The following KCNQ1 variants were observed in gnomAD, a reference collection of about 807,000 sequenced individuals.
The protein encoded by KCNQ1 is potassium voltage-gated channel subfamily KQT member 1.
In KCNQ1, 49 loss-of-function variants were observed where a neutral mutation model predicts 72.4. That is an observed-to-expected ratio of 0.68 (90% CI 0.54 to 0.86). KCNQ1 has a LOEUF of 0.86. KCNQ1 is among the 40% of genes least tolerant of loss of function. The pLI is 0.00. For synonymous variants in KCNQ1, 450 were observed against 412.6 expected (o/e 1.09, Z -1.10); for missense variants, 790 against 945.1 (o/e 0.84, Z 2.15).
Position 2,626,550 on chromosome 11 carries a change from A to C in KCNQ1, c.1394-35411A>C. On this transcript the variant is annotated intron_variant, in intron 10 of 15. Coordinates refer to ENST00000155840, the MANE Select transcript of KCNQ1 (RefSeq NM_000218.3). The surrounding 1 kb of genome is among the most constrained non-coding windows in gnomAD (Gnocchi z 4.0). ...AAGTTGGGGTTTTTGTTTGTTTTTC[A>C]GACATTCTTACTCTGTTGCCCACGC... 5.0e-6 allele frequency: 2 copies of C among 398,552 alleles called. No homozygotes were observed. The highest frequency in any genetic ancestry group is 4.4e-6 in the Non-Finnish European group (1 of 226,076). The allele number at this position is 398,552 out of a possible 1,614,324, so 24.7% of individuals were successfully genotyped here.
intron 11 of KCNQ1, among the ~76,000 whole-genome samples, chr11:2,709,784 G>A (rs1427085334): frequency 3.3e-5 from 5 of 152,182 alleles, no homozygotes; most frequent in African/African-American, 7.2e-5. Context: ...TAAGGTTTTC[G>A]AGGTTCATTC....
rs1346873416 is a variant in KCNQ1, at chr11:2,704,857, A to G, written c.1514+42776A>G. Among the ~76,000 whole-genome samples, 2 of 152,148 alleles carry G rather than the reference A, an allele frequency of 1.3e-5. No homozygotes were observed. Among genetic ancestry groups the G allele is most frequent in the African/African-American group, 4.8e-5 (2 of 41,434 alleles). ...GCATGTATGACCACGAGCGAGCCCA[A>G]GGGAAGGACGGGTTTGGAGGGTTTC... is the stretch of plus-strand genomic sequence containing the variant. On this transcript the variant is annotated intron_variant, in intron 11 of 15. Coordinates refer to ENST00000155840, the MANE Select transcript of KCNQ1 (RefSeq NM_000218.3). The surrounding 1 kb of genome is among the most constrained non-coding windows in gnomAD (Gnocchi z 4.3).
chr11:2,573,277 G>A (rs549473762), intron 6 of KCNQ1, among the ~76,000 whole-genome samples: 11 of 152,294 alleles, frequency 7.2e-5, no homozygotes, highest in Admixed American at 2.0e-4. Flanking sequence ...GGGGCTTAGC[G>A]GTTTCGGCTC....
chr11:2,562,071 C>A lies in KCNQ1; in HGVS notation c.478-8557C>A, dbSNP rs925057832. ...CAGGGTCATGTCCCCAGCAGTAAGG[C>A]CAGGACAGGGCAGCCGGACCCCGAC... On this transcript the variant is annotated intron_variant, in intron 2 of 15. Coordinates refer to ENST00000155840, the MANE Select transcript of KCNQ1 (RefSeq NM_000218.3). The surrounding 1 kb of genome is among the most constrained non-coding windows in gnomAD (Gnocchi z 7.5). 1.3e-5 allele frequency among the ~76,000 whole-genome samples: 2 copies of A among 152,156 alleles called. No homozygotes were observed. Among genetic ancestry groups the A allele is most frequent in the African/African-American group, 4.8e-5 (2 of 41,446 alleles).
rs895528859 is a variant in KCNQ1 at position 2,549,023 on chromosome 11, C to T, written c.477+21005C>T. Among the ~76,000 whole-genome samples the T allele has an allele frequency of 1.3e-5, 2 of 152,190 alleles. No individual in the cohort carries two copies. The highest frequency in any genetic ancestry group is 6.5e-5 in the Admixed American group (1 of 15,284). ...GGTGACAGGTGCTGGGGCCCGGACA[C>T]GACCTGGTTTCTTCATCCCAGGGGC... On this transcript the variant is annotated intron_variant, in intron 2 of 15. Transcript: ENST00000155840. This position sits in a 1 kb window ranked among gnomAD's most constrained non-coding sequence, Gnocchi z 6.2.
At chr11:2,532,808 G>A (rs1179440405) in intron 2 of KCNQ1, among the ~76,000 whole-genome samples, 1 of 152,242 alleles carries the variant, frequency 6.6e-6, no homozygotes, top group Admixed American at 6.5e-5. Flanking sequence ...CAGGCCTGGA[G>A]GAGTGAGGAC....
At position 2,652,455 on chromosome 11, in the gene KCNQ1, C is replaced by T; in HGVS notation, c.1394-9506C>T. 1 of 398,572 alleles carries T rather than the reference C, an allele frequency of 2.5e-6. No individual in the cohort carries two copies. Among genetic ancestry groups the T allele is most frequent in the Non-Finnish European group, 4.4e-6 (1 of 226,056 alleles). The allele number at this position is 398,572 out of a possible 1,614,324, so 24.7% of individuals were successfully genotyped here. On this transcript the variant is annotated intron_variant, in intron 10 of 15. Transcript: ENST00000155840. This position sits in a 1 kb window ranked among gnomAD's most constrained non-coding sequence, Gnocchi z 5.9. Reference sequence around the variant, plus strand: ...AAGGCCACTTTTTTGTTTTCTCCATCCAAAGACCTCCAGAAACTTTCCTCC... The same window carrying T: ...AAGGCCACTTTTTTGTTTTCTCCATTCAAAGACCTCCAGAAACTTTCCTCC...
In KCNQ1 at chr11:2,537,641, T is replaced by C. The variant is rs1240022850; in HGVS notation, c.477+9623T>C. 1.3e-5 allele frequency among the ~76,000 whole-genome samples: 2 copies of C among 152,106 alleles called. No homozygotes were observed. Among genetic ancestry groups the C allele is most frequent in the Admixed American group, 6.5e-5 (1 of 15,290 alleles). On this transcript the variant is annotated intron_variant, in intron 2 of 15. Coordinates refer to ENST00000155840, the MANE Select transcript of KCNQ1 (RefSeq NM_000218.3). This position sits in a 1 kb window ranked among gnomAD's most constrained non-coding sequence, Gnocchi z 5.2. The stretch of plus-strand genomic sequence containing the variant: ...CAGGTCAGCAGTGGCTTTCATCTTC[T>C]GCCATTTGCTCTGCACGTTTCTCTC...
intron 1 of KCNQ1, among the ~76,000 whole-genome samples, chr11:2,487,384 A>G (rs1816651953): frequency 6.6e-6 from 1 of 152,218 alleles, no homozygotes; most frequent in Admixed American, 6.5e-5. Flanking sequence ...TATGAATTTT[A>G]GGATGGGTTT....
chr11:2,706,141 C>T (rs899174815), intron 11 of KCNQ1, among the ~76,000 whole-genome samples: 16 of 152,228 alleles, frequency 1.1e-4, no homozygotes, highest in African/African-American at 1.9e-4. Context: ...TCCGTTCTTC[C>T]GGAAGTGGCA....
chr11:2,707,960 A>G (rs1850939128), intron 11 of KCNQ1, among the ~76,000 whole-genome samples: 1 of 152,174 alleles, frequency 6.6e-6, no homozygotes, highest in Non-Finnish European at 1.5e-5. Flanking sequence ...CACCCCCCAG[A>G]GTTCCTGTGT....
At chr11:2,833,959 T>C (rs919570363) in intron 15 of KCNQ1, among the ~76,000 whole-genome samples, 2 of 152,146 alleles carry the variant, frequency 1.3e-5, no homozygotes, top group African/African-American at 4.8e-5. Flanking sequence ...CTCACCCCCT[T>C]CCCAGGCTGT....
At chr11:2,844,639 C>T (rs377612238) in intron 15 of KCNQ1, among the ~76,000 whole-genome samples, 17 of 152,324 alleles carry the variant, frequency 1.1e-4, no homozygotes, top group East Asian at 9.7e-4. Context: ...CAGGACTGAG[C>T]GCTGATTCCA....
At position 2,559,359 on chromosome 11, in the gene KCNQ1, C is replaced by A. The variant is rs1360137825; in HGVS notation, c.478-11269C>A. Among the ~76,000 whole-genome samples, 1 of 152,184 alleles carries A rather than the reference C, an allele frequency of 6.6e-6. No individual in the cohort carries two copies. Among genetic ancestry groups the A allele is most frequent in the Non-Finnish European group, 1.5e-5 (1 of 68,026 alleles). ...AGGCACAGGGAGGATCAGGAAAGCC[C>A]TGGATCTTGTTGACACCCCGGGATG... is the stretch of plus-strand genomic sequence containing the variant. On this transcript the variant is annotated intron_variant, in intron 2 of 15. Transcript: ENST00000155840. This position sits in a 1 kb window ranked among gnomAD's most constrained non-coding sequence, Gnocchi z 4.9.
rs568956676 is a variant in KCNQ1, at chr11:2,835,133, C to T, written c.1795-12634C>T. On this transcript the variant is annotated intron_variant, in intron 15 of 15. Transcript: ENST00000155840. ...GTCTGGGTCAGCCGCAGCTGCAAAC[C>T]GGCCCTGGCTGAGTCATGGGGCCTC... Among the ~76,000 whole-genome samples, 7 of 152,280 alleles carry T rather than the reference C, an allele frequency of 4.6e-5. No individual in the cohort carries two copies. In the East Asian group the frequency reaches 5.8e-4, roughly 13 times the overall value.
At position 2,657,895 on chromosome 11, in the gene KCNQ1, T is replaced by C; in HGVS notation, c.1394-4066T>C. 2.5e-6 allele frequency: 1 copy of C among 398,626 alleles called. No homozygotes were observed. The highest frequency in any genetic ancestry group is 4.4e-6 in the Non-Finnish European group (1 of 226,060). 24.7% of individuals were successfully genotyped at this position (398,626 alleles called of 1,614,324 possible). A position where few individuals can be genotyped will look rare whatever the true frequency, so the allele number is the denominator to read the frequency against. On this transcript the variant is annotated intron_variant, in intron 10 of 15. Coordinates refer to ENST00000155840, the MANE Select transcript of KCNQ1 (RefSeq NM_000218.3). The surrounding 1 kb of genome is among the most constrained non-coding windows in gnomAD (Gnocchi z 4.8). Reference sequence around the variant, plus strand: ...AGGAGGCCAGTGAGGTGAGATGCTTTCCTCATTGTGGAACATGACATCAAC... The same window carrying C: ...AGGAGGCCAGTGAGGTGAGATGCTTCCCTCATTGTGGAACATGACATCAAC...
At chr11:2,577,551 T>C (rs1006515631) in intron 6 of KCNQ1, among the ~76,000 whole-genome samples, 1 of 152,222 alleles carries the variant, frequency 6.6e-6, no homozygotes, top group Non-Finnish European at 1.5e-5. Flanking sequence ...AGGAGAGGAC[T>C]CCATGTGACG....
At chr11:2,452,509 GC>G (rs1160198046) in intron 1 of KCNQ1, among the ~76,000 whole-genome samples, 1 of 143,256 alleles carries the variant, frequency 7.0e-6, no homozygotes, top group East Asian at 2.1e-4. Context: ...TCCCCACCCT[GC>G]CCCAAAGAGG....
rs1357742199 is a variant in KCNQ1 at position 2,573,360 on chromosome 11, A to C, written c.921+374A>C. ...CCTCCACCGTGGCCCTCACCCTGGC[A>C]GGGCCCAAGGAGAGCGGCGTCAGAT... On this transcript the variant is annotated intron_variant, in intron 6 of 15. Coordinates refer to ENST00000155840, the MANE Select transcript of KCNQ1 (RefSeq NM_000218.3). 1.1e-4 allele frequency among the ~76,000 whole-genome samples: 16 copies of C among 152,192 alleles called. No individual in the cohort carries two copies. The East Asian group carries it at 2.1e-3, about 20-fold the overall frequency.
Sources: allele counts gnomAD v4.1 joint callset (sites outside exome capture counted in the v4.1 genomes callset), GRCh38; gene constraint gnomAD v4.1.1; non-coding constraint Gnocchi (gnomAD v3.1); transcripts MANE v1.5; gene names NCBI Gene and HGNC (gene_info 2026-07-23, HGNC 2026-07-21).